Variants in HCK observed in about 807,000 individuals in gnomAD.
HCK encodes tyrosine-protein kinase HCK.
In HCK, 40 loss-of-function variants were observed where a neutral mutation model predicts 70.4. The observed-to-expected ratio is 0.57, with a 90% CI of 0.44 to 0.74. The LOEUF (loss-of-function observed/expected upper bound fraction) is 0.74. HCK is among the 30% of genes least tolerant of loss of function. HCK has a pLI of 0.00. For missense variants in HCK, 568 were observed against 697.2 expected (o/e 0.81, Z 2.09); for synonymous variants, 245 against 263.2 (o/e 0.93, Z 0.67).
chr20:32,098,191 T>G (rs2045983202), intron 11 of HCK, among the ~76,000 whole-genome samples: 1 of 152,072 alleles, frequency 6.6e-6, no homozygotes, highest in African/African-American at 2.4e-5. Flanking sequence ...TACAGGCACC[T>G]GCCACCATGC....
chr20:32,055,104 T>G (rs778281134), intron 1 of HCK, among the ~76,000 whole-genome samples: 6 of 152,138 alleles, frequency 3.9e-5, no homozygotes, highest in Non-Finnish European at 8.8e-5. Flanking sequence ...TTTCGGCCCA[T>G]GTACAGGTGG....
In HCK at chr20:32,071,740, C is replaced by G. The variant is rs910292966; in HGVS notation, c.141C>G (p.His47Gln). 25 of 1,614,010 alleles carry G rather than the reference C, an allele frequency of 1.5e-5. No individual in the cohort carries two copies. Among genetic ancestry groups the G allele is most frequent in the Non-Finnish European group, 2.0e-5 (24 of 1,180,016 alleles). The change falls in exon 2 of 13, where the codon CAC becomes CAG. Residue 47 changes from histidine to glutamine, a missense_variant. Transcript: ENST00000375852. The stretch of plus-strand genomic sequence containing the variant: ...AAACTGAAACCAGCGCCAGCCCACA[C>G]TGTCCTGTGTACGTGCCGGATCCCA...
intron 11 of HCK, 110 bp downstream of exon 11, chr20:32,094,126 T>C: frequency 1.0e-6 from 1 of 988,710 alleles, no homozygotes; most frequent in Non-Finnish European, 1.5e-6. Context: ...GCCCCAGTAC[T>C]AGCTGTGCAT....
chr20:32,077,221 C>T (rs563632010), intron 5 of HCK, among the ~76,000 whole-genome samples: 4 of 152,150 alleles, frequency 2.6e-5, no homozygotes, highest in Non-Finnish European at 4.4e-5. Flanking sequence ...GGAATCAGGG[C>T]GGGATGGAAT....
chr20:32,052,640 G>A (rs1011588200), intron 1 of HCK, among the ~76,000 whole-genome samples, 154 bp downstream of exon 1: 5 of 152,136 alleles, frequency 3.3e-5, no homozygotes, highest in African/African-American at 7.2e-5. Flanking sequence ...TAGCCCGGGG[G>A]ATGAGGGGTC....
At chr20:32,069,560 G>C (rs1193623606) in intron 1 of HCK, 1 of 373,196 alleles carries the variant, frequency 2.7e-6, no homozygotes, top group African/African-American at 2.1e-5. Flanking sequence ...ATCTCAAAGA[G>C]AGATGCTGGT....
intron 1 of HCK, among the ~76,000 whole-genome samples, chr20:32,058,801 G>T (rs1056856949): frequency 1.3e-5 from 2 of 152,160 alleles, no homozygotes; most frequent in African/African-American, 4.8e-5. Context: ...GTCATTAAAG[G>T]TGTCTTCTAA....
chr20:32,069,824 T>C lies in HCK; in HGVS notation c.63-1838T>C, dbSNP rs558778156. 7.1e-5 allele frequency: 80 copies of C among 1,131,748 alleles called. No homozygotes were observed. The Admixed American group carries it at 1.6e-3, about 23-fold the overall frequency. 70.1% of individuals were successfully genotyped at this position (1,131,748 alleles called of 1,614,324 possible). A position where few individuals can be genotyped will look rare whatever the true frequency, so the allele number is the denominator to read the frequency against. On this transcript the variant is annotated intron_variant, in intron 1 of 12. Coordinates refer to ENST00000375852, the MANE Select transcript of HCK (RefSeq NM_002110.5). ...CTCATCTAAGCCTAGGAGTTTGGGGTTTTTTTCCTTAAACCACAAATACAT... is the reference window on the plus strand; with the variant it reads ...CTCATCTAAGCCTAGGAGTTTGGGGCTTTTTTCCTTAAACCACAAATACAT...
chr20:32,066,226 G>A (rs1374137282), intron 1 of HCK, among the ~76,000 whole-genome samples: 1 of 151,470 alleles, frequency 6.6e-6, no homozygotes, highest in Non-Finnish European at 1.5e-5. Flanking sequence ...CATCTGTTTG[G>A]GAACCACTCA....
Position 32,057,244 on chromosome 20 carries a change from T to A in HCK, c.62+4758T>A, listed in dbSNP as rs1431662938. ...ATCCGCAGAACCCTCCACATCCCTATAGTCATTTGAGTTTTCAAACCCCAC... is the reference window on the plus strand; with the variant it reads ...ATCCGCAGAACCCTCCACATCCCTAAAGTCATTTGAGTTTTCAAACCCCAC... On this transcript the variant is annotated intron_variant, in intron 1 of 12. Transcript: ENST00000375852. Among the ~76,000 whole-genome samples the A allele has an allele frequency of 3.3e-5, 5 of 152,202 alleles. No homozygotes were observed. In the East Asian group the frequency reaches 9.6e-4, roughly 29 times the overall value.
At chr20:32,097,331 G>C (rs549407612) in intron 11 of HCK, among the ~76,000 whole-genome samples, 7 of 152,184 alleles carry the variant, frequency 4.6e-5, no homozygotes, top group Non-Finnish European at 8.8e-5. Context: ...TGTAATTCCA[G>C]CACTTTGGGA....
chr20:32,073,500 C>T (rs1048058569), intron 3 of HCK, 139 bp downstream of exon 3: 48 of 736,238 alleles, frequency 6.5e-5, no homozygotes, highest in Admixed American at 2.8e-5. Flanking sequence ...AAGTGCTTTG[C>T]GCAGGCTATT....
intron 1 of HCK, 110 bp from the exon 2 acceptor site, chr20:32,071,552 G>T: frequency 2.9e-6 from 4 of 1,389,802 alleles, no homozygotes; most frequent in Non-Finnish European, 4.0e-6. Flanking sequence ...AGACCGGGAA[G>T]GCCAGTGGGA....
At chr20:32,076,335 A>C (rs904713333) in intron 5 of HCK, among the ~76,000 whole-genome samples, 3 of 152,022 alleles carry the variant, frequency 2.0e-5, no homozygotes, top group African/African-American at 4.8e-5. Context: ...TCAAAAAAAA[A>C]CAATTATGTC....
Position 32,052,325 on chromosome 20 carries a change from C to G in HCK, c.-100C>G, listed in dbSNP as rs941206742. 69 of 841,816 alleles carry G rather than the reference C, an allele frequency of 8.2e-5. No individual in the cohort carries two copies. The highest frequency in any genetic ancestry group is 2.1e-5 in the Non-Finnish European group (13 of 611,982). The allele number at this position is 841,816 out of a possible 1,614,324, so 52.1% of individuals were successfully genotyped here. A position where few individuals can be genotyped will look rare whatever the true frequency, so the allele number is the denominator to read the frequency against. On this transcript the variant is annotated 5_prime_UTR_variant, in exon 1 of 13. Transcript: ENST00000375852. ...GACTCAGACAGTGCAGGACGAGAAA[C>G]GCCCGCGGCACCAAAGCCCCTCAGA... is the stretch of plus-strand genomic sequence containing the variant.
At chr20:32,078,066 G>A (rs1047583306) in intron 5 of HCK, among the ~76,000 whole-genome samples, 10 of 149,684 alleles carry the variant, frequency 6.7e-5, no homozygotes, top group Non-Finnish European at 1.0e-4. Context: ...ACAGAGTCTC[G>A]CTCTGTTGCC....
chr20:32,065,332 A>C (rs756879148), intron 1 of HCK, among the ~76,000 whole-genome samples: 1 of 152,232 alleles, frequency 6.6e-6, no homozygotes, highest in Non-Finnish European at 1.5e-5. Context: ...AGAATATGCA[A>C]GAATCAGTGG....
Position 32,086,619 on chromosome 20 carries a change from C to T in HCK, c.836-9C>T. ...CTGACCACCTTCCCTGCTCTCTATCCCCCTCCAGCCACCTACAACAAGCAC... is the reference window on the plus strand; with the variant it reads ...CTGACCACCTTCCCTGCTCTCTATCTCCCTCCAGCCACCTACAACAAGCAC... On this transcript the variant is annotated splice_polypyrimidine_tract_variant and intron_variant, in intron 8 of 12. Transcript: ENST00000375852. The T allele has an allele frequency of 1.2e-6, 2 of 1,602,494 alleles. No individual in the cohort carries two copies. Among genetic ancestry groups the T allele is most frequent in the Non-Finnish European group, 1.7e-6 (2 of 1,174,906 alleles).
intron 1 of HCK, among the ~76,000 whole-genome samples, chr20:32,056,725 TG>T (rs771685649): frequency 2.0e-5 from 3 of 152,200 alleles, no homozygotes; most frequent in Non-Finnish European, 4.4e-5. Context: ...CAAACCAGGC[TG>T]CCCTCTGAGG....
Sources: allele counts gnomAD v4.1 joint callset (sites outside exome capture counted in the v4.1 genomes callset), GRCh38; gene constraint gnomAD v4.1.1; transcripts MANE v1.5; gene names NCBI Gene and HGNC (gene_info 2026-07-23, HGNC 2026-07-21).